The following SMYD3 variants were observed in gnomAD, a reference collection of about 807,000 sequenced individuals.
SMYD3 encodes SET and MYND domain containing 3.
Under a neutral mutation model 57.7 loss-of-function variants are expected in SMYD3, and 36 were observed. The ratio of observed to expected loss-of-function variants is 0.62; its 90% CI spans 0.48 to 0.82. SMYD3 has a LOEUF of 0.82. Among genes scored for constraint, SMYD3 ranks in the 40% least tolerant of loss-of-function variants. The pLI, the probability that SMYD3 is intolerant of heterozygous loss-of-function variation, is 0.00. For missense variants in SMYD3, 515 were observed against 538.8 expected, an observed-to-expected ratio of 0.96 and a Z score of 0.44; for synonymous variants, 211 against 195.0, an observed-to-expected ratio of 1.08 and a Z score of -0.68.
At chr1:245,804,750 T>C (rs1381218840) in intron 10 of SMYD3, among the ~76,000 whole-genome samples, 1 of 152,098 alleles carries the variant, frequency 6.6e-6, no homozygotes, top group Non-Finnish European at 1.5e-5. Flanking sequence ...ACAGAGTTCA[T>C]CCCCTCTGGA....
chr1:246,384,655 C>T (rs1043894528), intron 1 of SMYD3, among the ~76,000 whole-genome samples: 3 of 152,036 alleles, frequency 2.0e-5, no homozygotes, highest in Non-Finnish European at 4.4e-5. Flanking sequence ...CCTCGGCCTC[C>T]CAAAGTGCTG....
intron 5 of SMYD3, among the ~76,000 whole-genome samples, chr1:246,271,328 T>A (rs1464899715): frequency 1.3e-5 from 2 of 152,218 alleles, no homozygotes; most frequent in Non-Finnish European, 2.9e-5. Context: ...TTATTTTTTT[T>A]CTTTAGCTGC....
At chr1:246,090,402 C>T (rs935215172) in intron 5 of SMYD3, among the ~76,000 whole-genome samples, 1 of 152,036 alleles carries the variant, frequency 6.6e-6, no homozygotes, top group East Asian at 1.9e-4. Context: ...ACAGAGAGAA[C>T]ACCATCTTCT....
At chr1:246,219,570 A>C (rs2063218311) in intron 5 of SMYD3, among the ~76,000 whole-genome samples, 1 of 152,202 alleles carries the variant, frequency 6.6e-6, no homozygotes, top group Non-Finnish European at 1.5e-5. Context: ...GTGTGAAGAC[A>C]AAAAGGTTGT....
intron 3 of SMYD3, among the ~76,000 whole-genome samples, chr1:246,330,787 T>G (rs1454280128): frequency 6.6e-6 from 1 of 152,190 alleles, no homozygotes; most frequent in Non-Finnish European, 1.5e-5. Flanking sequence ...TCCCATATTT[T>G]TATATTCATA....
Position 246,194,431 on chromosome 1 carries a change from G to A in SMYD3, c.531+132770C>T, listed in dbSNP as rs955737537. ...CTACGGGCATGTGCCATCATGCCCG[G>A]CTAATTTTTGTATCTTTAGTAGAGA... On this transcript the variant is annotated intron_variant, in intron 5 of 11. Coordinates refer to ENST00000490107, the MANE Select transcript of SMYD3 (RefSeq NM_001167740.2). Among the ~76,000 whole-genome samples the A allele has an allele frequency of 5.3e-5, 8 of 152,164 alleles. 1 individual carries two copies. The highest frequency in any genetic ancestry group is 2.6e-4 in the Admixed American group (4 of 15,296).
intron 5 of SMYD3, among the ~76,000 whole-genome samples, chr1:246,182,204 A>T (rs1301949078): frequency 6.6e-6 from 1 of 152,094 alleles, no homozygotes; most frequent in East Asian, 1.9e-4. Flanking sequence ...AAAACTTGTA[A>T]AACTCCATCC....
intron 5 of SMYD3, among the ~76,000 whole-genome samples, chr1:246,300,930 T>C (rs1385457300): frequency 6.6e-6 from 1 of 152,154 alleles, no homozygotes; most frequent in Non-Finnish European, 1.5e-5. Flanking sequence ...GGATATTAAC[T>C]TCAGATCAGA....
chr1:245,968,201 T>C (rs2058204301), intron 5 of SMYD3, among the ~76,000 whole-genome samples: 1 of 140,604 alleles, frequency 7.1e-6, no homozygotes, highest in Non-Finnish European at 1.5e-5. Flanking sequence ...AGCACTTTAA[T>C]CCCCCCCTCA....
chr1:246,395,753 C>T (rs939196410), intron 1 of SMYD3, among the ~76,000 whole-genome samples: 15 of 147,046 alleles, frequency 1.0e-4, no homozygotes, highest in Non-Finnish European at 1.4e-4. Context: ...GAACCCACCA[C>T]AGTCAGACAG....
At chr1:245,810,446 A>G (rs2048399048) in intron 10 of SMYD3, among the ~76,000 whole-genome samples, 1 of 152,166 alleles carries the variant, frequency 6.6e-6, no homozygotes, top group Non-Finnish European at 1.5e-5. Context: ...GCATCCTTGT[A>G]CAGATGGCAT....
At chr1:246,229,042 A>C (rs2063371801) in intron 5 of SMYD3, among the ~76,000 whole-genome samples, 1 of 152,164 alleles carries the variant, frequency 6.6e-6, no homozygotes, top group Non-Finnish European at 1.5e-5. Flanking sequence ...GGGCTGTAAC[A>C]ATTTCCACAA....
chr1:246,399,725 G>GT (rs1203575725), intron 1 of SMYD3, among the ~76,000 whole-genome samples: 1 of 152,148 alleles, frequency 6.6e-6, no homozygotes, highest in African/African-American at 2.4e-5. Context: ...TATCCTTAAG[G>GT]AACTTATGTC....
chr1:246,470,177 G>A (rs532983563), intron 1 of SMYD3, among the ~76,000 whole-genome samples: 29 of 152,244 alleles, frequency 1.9e-4, no homozygotes, highest in African/African-American at 6.0e-4. Flanking sequence ...AGACTAAAGA[G>A]ACATGACAAC....
chr1:246,207,367 AG>A (rs1170556239), intron 5 of SMYD3, among the ~76,000 whole-genome samples: 1 of 152,106 alleles, frequency 6.6e-6, no homozygotes, highest in African/African-American at 2.4e-5. Flanking sequence ...CATCGTTATC[AG>A]TGGCCCATGT....
chr1:246,360,488 A>C (rs2065970999), intron 1 of SMYD3, among the ~76,000 whole-genome samples: 1 of 152,190 alleles, frequency 6.6e-6, no homozygotes. Context: ...AAAAGAGACC[A>C]CATAGCCAAA....
chr1:245,823,229 T>C (rs1383125401), intron 10 of SMYD3, among the ~76,000 whole-genome samples: 2 of 152,236 alleles, frequency 1.3e-5, no homozygotes, highest in African/African-American at 4.8e-5. Flanking sequence ...TTCTACATTG[T>C]TCAGGACGAT....
rs534116461 is a variant in SMYD3 at position 245,816,855 on chromosome 1, C to T, written c.1076+41641G>A. 1.3e-4 allele frequency among the ~76,000 whole-genome samples: 20 copies of T among 152,096 alleles called. No individual in the cohort carries two copies. In the South Asian group the frequency reaches 2.5e-3, roughly 19 times the overall value. On this transcript the variant is annotated intron_variant, in intron 10 of 11. Transcript: ENST00000490107. ...CTTTTCGGACCGGCCTAAAAAACGG[C>T]GCACCACGAGATTATATCCCGCATC...
intron 5 of SMYD3, among the ~76,000 whole-genome samples, chr1:246,204,391 G>A (rs1471331092): frequency 6.6e-6 from 1 of 152,150 alleles, no homozygotes; most frequent in Non-Finnish European, 1.5e-5. Context: ...TCTCAAGTGT[G>A]AGCTCCTTGA....
Sources: allele counts gnomAD v4.1 joint callset (sites outside exome capture counted in the v4.1 genomes callset), GRCh38; gene constraint gnomAD v4.1.1; transcripts MANE v1.5; gene names NCBI Gene and HGNC (gene_info 2026-07-23, HGNC 2026-07-21).